The following PDE1A variants were observed in gnomAD, a reference collection of about 807,000 sequenced individuals.
PDE1A encodes the protein dual specificity calcium/calmodulin-dependent 3',5'-cyclic nucleotide phosphodiesterase 1A.
A neutral mutation model predicts 61.7 loss-of-function variants in PDE1A; 35 were observed. The observed-to-expected ratio is 0.57, with a 90% CI of 0.43 to 0.75. The LOEUF (loss-of-function observed/expected upper bound fraction) is 0.75, where lower values mean the gene tolerates loss of function less well. PDE1A is among the 30% of genes least tolerant of loss of function. The pLI is 0.00. For missense variants in PDE1A, 597 were observed against 630.6 expected, an observed-to-expected ratio of 0.95 and a Z score of 0.57; for synonymous variants, 232 against 213.2, an observed-to-expected ratio of 1.09 and a Z score of -0.77.
At chr2:182,204,211 G>A (rs575175097) in intron 8 of PDE1A, among the ~76,000 whole-genome samples, 17 of 152,302 alleles carry the variant, frequency 1.1e-4, no homozygotes, top group African/African-American at 3.8e-4. Flanking sequence ...TACCCTAGAT[G>A]TAAATAATCT....
chr2:182,225,001 G>A (rs374245894), intron 6 of PDE1A, among the ~76,000 whole-genome samples: 5 of 151,768 alleles, frequency 3.3e-5, no homozygotes, highest in South Asian at 2.1e-4. Context: ...AAGACTTTGC[G>A]AAAAACAACA....
chr2:182,329,386 T>C (rs1207746265), intron 1 of PDE1A, among the ~76,000 whole-genome samples: 1 of 151,992 alleles, frequency 6.6e-6, no homozygotes, highest in African/African-American at 2.4e-5. Context: ...AATGTCTCTT[T>C]ATTTTATTAT....
At chr2:182,660,093 C>T in the PDE1A span, among the ~76,000 whole-genome samples, 1 of 152,116 alleles carries the variant, frequency 6.6e-6, no homozygotes, top group Non-Finnish European at 1.5e-5. Context: ...AGCTGTAAAC[C>T]AGTGAAACTC....
intron 1 of PDE1A, among the ~76,000 whole-genome samples, chr2:182,385,665 AAAAAGAAAG>A (rs1701000804): frequency 1.4e-5 from 2 of 139,100 alleles, no homozygotes; most frequent in East Asian, 2.3e-4. Context: ...GAAAGAAGAA[AAAAAGAAAG>A]AAAAGAAAGA....
At chr2:182,670,761 A>C in the PDE1A span, among the ~76,000 whole-genome samples, 2 of 152,148 alleles carry the variant, frequency 1.3e-5, no homozygotes, top group African/African-American at 4.8e-5. Context: ...AATCTTGTTG[A>C]TGTGGAAGTT....
chr2:182,609,762 C>G, the PDE1A span, among the ~76,000 whole-genome samples: 35 of 152,350 alleles, frequency 2.3e-4, no homozygotes, highest in East Asian at 6.8e-3. Context: ...CAATCAGATT[C>G]CCATTCCAGA....
chr2:182,440,898 C>G (rs1170241685), intron 2 of PDE1A, among the ~76,000 whole-genome samples: 1 of 151,954 alleles, frequency 6.6e-6, no homozygotes, highest in African/African-American at 2.4e-5. Context: ...TAATAACAGT[C>G]TTCCTTCAGT....
chr2:182,432,132 T>C lies in PDE1A; in HGVS notation c.101+90144A>G, dbSNP rs1256580015. On this transcript the variant is annotated intron_variant, in intron 2 of 14. Transcript: ENST00000410103. ...AAGTTTCCCTTCAACTCCCTGTATGTCAGTTTCCTCACTAATCAAACTAAG... is the reference window on the plus strand; with the variant it reads ...AAGTTTCCCTTCAACTCCCTGTATGCCAGTTTCCTCACTAATCAAACTAAG... Among the ~76,000 whole-genome samples, 3 of 152,142 alleles carry C rather than the reference T, an allele frequency of 2.0e-5. No homozygotes were observed. The East Asian group carries it at 5.8e-4, about 29-fold the overall frequency.
chr2:182,382,400 G>T (rs973558690), intron 1 of PDE1A, among the ~76,000 whole-genome samples: 2 of 152,180 alleles, frequency 1.3e-5, no homozygotes, highest in African/African-American at 4.8e-5. Context: ...CAACCAGCAA[G>T]TAAATGGAGA....
At chr2:182,148,538 G>T in intron 13 of PDE1A, among the ~76,000 whole-genome samples, 1 of 152,168 alleles carries the variant, frequency 6.6e-6, no homozygotes, top group East Asian at 1.9e-4. Flanking sequence ...TGAATCTCTG[G>T]CTTCTTTACA....
intron 2 of PDE1A, among the ~76,000 whole-genome samples, chr2:182,497,756 C>A (rs973772524): frequency 6.6e-6 from 1 of 151,972 alleles, no homozygotes; most frequent in Non-Finnish European, 1.5e-5. Flanking sequence ...AAAGACAGAG[C>A]ACCCGGCAGG....
chr2:182,206,115 G>C, intron 7 of PDE1A, 50 bp from the exon 8 acceptor site: 2 of 1,486,526 alleles, frequency 1.3e-6, no homozygotes, highest in Non-Finnish European at 1.8e-6. Context: ...TAGACATCAT[G>C]AATGTCTAAT....
chr2:182,143,728 G>A (rs928622534), downstream of PDE1A, among the ~76,000 whole-genome samples: 1 of 152,114 alleles, frequency 6.6e-6, no homozygotes, highest in African/African-American at 2.4e-5. Context: ...TGTTAGCCAG[G>A]ATGGTCTCGA....
At chr2:182,584,995 A>G in the PDE1A span, among the ~76,000 whole-genome samples, 2 of 152,222 alleles carry the variant, frequency 1.3e-5, no homozygotes, top group Non-Finnish European at 2.9e-5. Flanking sequence ...AAAAAGTAAG[A>G]GGGTTCTTCA....
At chr2:182,687,711 G>C in the PDE1A span, among the ~76,000 whole-genome samples, 199 of 152,218 alleles carry the variant, frequency 1.3e-3, no homozygotes, top group Admixed American at 2.0e-3. Flanking sequence ...AGAGAAGAAG[G>C]TTTCAGACAA....
At chr2:182,276,407 T>C (rs1243875211) in intron 1 of PDE1A, among the ~76,000 whole-genome samples, 2 of 152,096 alleles carry the variant, frequency 1.3e-5, no homozygotes, top group Non-Finnish European at 2.9e-5. Flanking sequence ...TATACCTGTC[T>C]TCATCTCAAT....
At chr2:182,499,569 T>A (rs1383790147) in intron 2 of PDE1A, among the ~76,000 whole-genome samples, 1 of 151,998 alleles carries the variant, frequency 6.6e-6, no homozygotes, top group Non-Finnish European at 1.5e-5. Flanking sequence ...ATAAGAAAAA[T>A]TCCTGGCTTA....
chr2:182,399,519 G>T (rs577633849), intron 1 of PDE1A, among the ~76,000 whole-genome samples: 2 of 152,132 alleles, frequency 1.3e-5, no homozygotes, highest in Admixed American at 1.3e-4. Flanking sequence ...GTTTAAAAAT[G>T]AGTCTTCTCA....
intron 6 of PDE1A, among the ~76,000 whole-genome samples, chr2:182,226,410 G>T (rs945628315): frequency 1.3e-5 from 2 of 149,538 alleles, no homozygotes; most frequent in Non-Finnish European, 2.9e-5. Flanking sequence ...CTGCACTATG[G>T]ACTATATCAT....
Sources: allele counts gnomAD v4.1 joint callset (sites outside exome capture counted in the v4.1 genomes callset), GRCh38; gene constraint gnomAD v4.1.1; transcripts MANE v1.5; gene names NCBI Gene and HGNC (gene_info 2026-07-23, HGNC 2026-07-21).